Variants in NRXN3 observed in about 807,000 individuals in gnomAD.
The protein encoded by NRXN3 is neurexin III.
A neutral mutation model predicts 137.6 loss-of-function variants in NRXN3; 32 were observed. The observed-to-expected ratio is 0.23, with a 90% CI of 0.18 to 0.31. NRXN3 has a LOEUF of 0.31. Ranked by LOEUF, NRXN3 falls within the 10% of genes least tolerant of loss-of-function variation. The pLI, the probability that NRXN3 is intolerant of heterozygous loss-of-function variation, is 1.00. For missense variants in NRXN3, 1,574 were observed against 2,062.5 expected, an observed-to-expected ratio of 0.76 and a Z score of 4.59; for synonymous variants, 798 against 784.5, an observed-to-expected ratio of 1.02 and a Z score of -0.29.
chr14:78,518,393 C>T (rs1260236497), intron 4 of NRXN3, among the ~76,000 whole-genome samples: 1 of 152,052 alleles, frequency 6.6e-6, no homozygotes, highest in Non-Finnish European at 1.5e-5. Context: ...AGGTGGGGAT[C>T]TAATCCAGTC....
At chr14:79,704,738 T>G (rs1370658702) in intron 19 of NRXN3, among the ~76,000 whole-genome samples, 1 of 152,156 alleles carries the variant, frequency 6.6e-6, no homozygotes, top group Non-Finnish European at 1.5e-5. Context: ...CTTACGCAGG[T>G]ACTTTCTTTT....
intron 15 of NRXN3, among the ~76,000 whole-genome samples, chr14:79,428,866 G>T (rs887581440): frequency 6.6e-6 from 1 of 152,154 alleles, no homozygotes. Context: ...TAGCAAGGAT[G>T]GGGGAATAGG....
chr14:78,793,697 C>T (rs969148149), intron 8 of NRXN3, among the ~76,000 whole-genome samples: 11 of 152,138 alleles, frequency 7.2e-5, no homozygotes, highest in South Asian at 4.2e-4. Flanking sequence ...CATAGGCATA[C>T]GATGCTTACA....
chr14:78,915,146 A>C (rs1597339910), intron 10 of NRXN3, among the ~76,000 whole-genome samples: 1 of 152,060 alleles, frequency 6.6e-6, no homozygotes, highest in Non-Finnish European at 1.5e-5. Context: ...ATTGCCTTCC[A>C]TTGTCAGTGG....
chr14:79,054,823 T>A (rs986366016), intron 15 of NRXN3, among the ~76,000 whole-genome samples: 1 of 152,180 alleles, frequency 6.6e-6, no homozygotes, highest in African/African-American at 2.4e-5. Context: ...GGAAAGACAA[T>A]AATGGTCCCT....
intron 19 of NRXN3, among the ~76,000 whole-genome samples, chr14:79,756,909 T>C (rs1438540633): frequency 6.6e-6 from 1 of 152,210 alleles, no homozygotes; most frequent in Non-Finnish European, 1.5e-5. Context: ...CCGACAATCC[T>C]TGCTTTTGTG....
chr14:78,407,761 C>T (rs2092579268), intron 4 of NRXN3, among the ~76,000 whole-genome samples: 1 of 152,184 alleles, frequency 6.6e-6, no homozygotes, highest in South Asian at 2.1e-4. Context: ...GTGCTGCCTT[C>T]ACACATCCCA....
Position 79,800,274 on chromosome 14 carries a change from G to C in NRXN3, c.4015-4838G>C, listed in dbSNP as rs8020629. Among the ~76,000 whole-genome samples, 133 of 152,250 alleles carry C rather than the reference G, an allele frequency of 8.7e-4. 3 individuals carry two copies. The highest frequency in any genetic ancestry group is 2.2e-4 in the Non-Finnish European group (15 of 68,008). On this transcript the variant is annotated intron_variant, in intron 19 of 20. Transcript: ENST00000335750. The stretch of plus-strand genomic sequence containing the variant: ...TAGAAGAGTTTCCTAAAGCAACACT[G>C]TTTCCTGGAGGAGCGTGGATGGTGG...
At chr14:79,819,267 A>G (rs1054138048) in intron 20 of NRXN3, among the ~76,000 whole-genome samples, 1 of 152,118 alleles carries the variant, frequency 6.6e-6, no homozygotes, top group Admixed American at 6.5e-5. Context: ...TGTTTTCATG[A>G]AAGTTGATTT....
At chr14:78,893,820 T>C (rs1038357626) in intron 10 of NRXN3, among the ~76,000 whole-genome samples, 1 of 151,906 alleles carries the variant, frequency 6.6e-6, no homozygotes, top group African/African-American at 2.4e-5. Flanking sequence ...GTGGGTGCAG[T>C]TCCAGACCAC....
intron 16 of NRXN3, among the ~76,000 whole-genome samples, chr14:79,623,849 G>GTTT (rs571687023): frequency 0.065 from 6,341 of 97,840 alleles, 261 homozygotes; most frequent in East Asian, 0.22. Flanking sequence ...CTTAGCTCCT[G>GTTT]TTTTTTTTTT....
chr14:79,171,894 G>A (rs2061818881), intron 15 of NRXN3, among the ~76,000 whole-genome samples: 2 of 151,248 alleles, frequency 1.3e-5, no homozygotes, highest in Non-Finnish European at 2.9e-5. Context: ...TTTACTGTGT[G>A]CAACTCTGAC....
chr14:78,631,943 T>TA (rs552054739), intron 4 of NRXN3, among the ~76,000 whole-genome samples: 9,923 of 143,948 alleles, frequency 0.069, 386 homozygotes, highest in Middle Eastern at 0.15. Context: ...CCGTCTCTGC[T>TA]AAAAAAAAAA....
At chr14:78,190,146 C>T (rs2060581485) in intron 1 of NRXN3, among the ~76,000 whole-genome samples, 1 of 152,220 alleles carries the variant, frequency 6.6e-6, no homozygotes, top group African/African-American at 2.4e-5. Flanking sequence ...CTTCCCTCTT[C>T]CACAATTGAG....
chr14:78,376,885 G>A (rs2087954504), intron 4 of NRXN3, among the ~76,000 whole-genome samples: 1 of 152,038 alleles, frequency 6.6e-6, no homozygotes, highest in Admixed American at 6.5e-5. Flanking sequence ...GTATATATAA[G>A]GTAATAACCA....
chr14:79,066,737 G>A (rs189678941), intron 15 of NRXN3, among the ~76,000 whole-genome samples: 66 of 152,100 alleles, frequency 4.3e-4, no homozygotes, highest in Non-Finnish European at 8.2e-4. Context: ...ATTGTGAATG[G>A]GAGTTCATTC....
intron 16 of NRXN3, among the ~76,000 whole-genome samples, chr14:79,536,707 G>A (rs1230033652): frequency 6.6e-6 from 1 of 152,066 alleles, no homozygotes. Flanking sequence ...AGAATATGCA[G>A]TGTTTGGTTT....
intron 15 of NRXN3, among the ~76,000 whole-genome samples, chr14:79,381,131 AT>A (rs1221380624): frequency 6.6e-6 from 1 of 151,966 alleles, no homozygotes; most frequent in Non-Finnish European, 1.5e-5. Context: ...CAAGAAAAAA[AT>A]GTTTCTTAAT....
intron 15 of NRXN3, among the ~76,000 whole-genome samples, chr14:79,109,617 G>A (rs887823597): frequency 4.6e-5 from 7 of 152,112 alleles, no homozygotes; most frequent in African/African-American, 1.7e-4. Context: ...TGGCCTGAGA[G>A]TCCTGCCTAG....
Sources: gnomAD v4.1 joint callset for allele counts (sites outside exome capture counted in the v4.1 genomes callset) on GRCh38, gnomAD v4.1.1 for gene constraint, MANE v1.5 for transcripts, NCBI Gene and HGNC (gene_info 2026-07-23, HGNC 2026-07-21) for gene names.